Variants in MALRD1 observed in about 807,000 individuals in gnomAD.
The protein encoded by MALRD1 is MAM and LDL-receptor class A domain-containing protein 1.
A neutral mutation model predicts 242.1 loss-of-function variants in MALRD1; 247 were observed. That is an observed-to-expected ratio of 1.02 (90% CI 0.92 to 1.13). The LOEUF (loss-of-function observed/expected upper bound fraction) is 1.13, where lower values mean the gene tolerates loss of function less well. Among genes scored for constraint, MALRD1 ranks in the 50% most tolerant of loss-of-function variants. The pLI, the probability that MALRD1 is intolerant of heterozygous loss-of-function variation, is 0.00. For synonymous variants in MALRD1, 995 were observed against 866.6 expected, an observed-to-expected ratio of 1.15 and a Z score of -2.60; for missense variants, 2,989 against 2,533.1, an observed-to-expected ratio of 1.18 and a Z score of -3.86.
chr10:19,179,130 A>T (rs1363598357), intron 14 of MALRD1, among the ~76,000 whole-genome samples: 1 of 152,234 alleles, frequency 6.6e-6, no homozygotes, highest in Non-Finnish European at 1.5e-5. Context: ...TCATAGAAAA[A>T]TAAGTAACAC....
intron 19 of MALRD1, among the ~76,000 whole-genome samples, chr10:19,271,273 A>C (rs574460839): frequency 3.4e-4 from 52 of 152,356 alleles, no homozygotes; most frequent in African/African-American, 1.3e-3. Context: ...GAATTACAAT[A>C]TACACATTAA....
chr10:19,498,369 T>C, intron 30 of MALRD1, 116 bp from the exon 31 acceptor site: 1 of 865,664 alleles, frequency 1.2e-6, no homozygotes, highest in Non-Finnish European at 1.7e-6. Flanking sequence ...ATGCTGTAAG[T>C]GTATTTATAA....
At chr10:19,268,524 C>A (rs1156589709) in intron 19 of MALRD1, among the ~76,000 whole-genome samples, 5 of 152,052 alleles carry the variant, frequency 3.3e-5, no homozygotes, top group African/African-American at 1.2e-4. Flanking sequence ...GTTTAAGCTT[C>A]AAATACGCTT....
At chr10:19,124,478 A>C in intron 6 of MALRD1, 46 bp from the exon 7 acceptor site, 1 of 1,232,762 alleles carries the variant, frequency 8.1e-7, no homozygotes, top group Non-Finnish European at 1.0e-6. Context: ...TTAAGCAGCC[A>C]CTCTAGCAGA....
chr10:19,057,057 TGTTGA>T (rs1834691100), intron 1 of MALRD1, among the ~76,000 whole-genome samples: 1 of 152,210 alleles, frequency 6.6e-6, no homozygotes, highest in Admixed American at 6.5e-5. Context: ...TTCAATGTGT[TGTTGA>T]ACTCAGTTTG....
At chr10:19,315,577 ATTAT>A (rs1251503524) in intron 21 of MALRD1, among the ~76,000 whole-genome samples, 283 of 112,262 alleles carry the variant, frequency 2.5e-3, no homozygotes, top group South Asian at 4.0e-3. Context: ...AAATATATAA[ATTAT>A]AAATTATAAA....
chr10:19,502,031 G>GAA (rs1370673228), intron 31 of MALRD1, among the ~76,000 whole-genome samples: 24,824 of 132,230 alleles, frequency 0.19, 3,493 homozygotes, highest in African/African-American at 0.36. Flanking sequence ...AAAAAGAAAA[G>GAA]AAAAGAAAAG....
chr10:19,720,755 A>G (rs1834708899), intron 38 of MALRD1, among the ~76,000 whole-genome samples: 2 of 152,176 alleles, frequency 1.3e-5, no homozygotes, highest in Admixed American at 1.3e-4. Context: ...AAAGGACAAA[A>G]TATTGCCTAA....
At chr10:19,379,481 T>C (rs1845748388) in intron 26 of MALRD1, among the ~76,000 whole-genome samples, 1 of 152,202 alleles carries the variant, frequency 6.6e-6, no homozygotes, top group South Asian at 2.1e-4. Context: ...AATTTTGATA[T>C]GCTGAGTTTT....
chr10:19,432,137 T>C (rs146054207), intron 28 of MALRD1, among the ~76,000 whole-genome samples: 27 of 152,278 alleles, frequency 1.8e-4, no homozygotes, highest in African/African-American at 6.0e-4. Context: ...GAGAGTATAG[T>C]AAGGACCTGG....
intron 14 of MALRD1, among the ~76,000 whole-genome samples, chr10:19,183,241 G>T (rs1835593450): frequency 6.6e-6 from 1 of 151,346 alleles, no homozygotes; most frequent in Admixed American, 6.6e-5. Flanking sequence ...TTCTGGCAAT[G>T]AGTGGAGGTG....
At chr10:19,188,989 A>C (rs1160269395) in intron 14 of MALRD1, among the ~76,000 whole-genome samples, 1 of 152,182 alleles carries the variant, frequency 6.6e-6, no homozygotes, top group African/African-American at 2.4e-5. Context: ...TGGTTCTTCA[A>C]AAAGATTGGT....
chr10:19,340,662 A>G (rs1205695848), intron 24 of MALRD1, among the ~76,000 whole-genome samples: 3 of 152,182 alleles, frequency 2.0e-5, no homozygotes, highest in Non-Finnish European at 4.4e-5. Context: ...TTTAATAAAA[A>G]AATCAACCAA....
chr10:19,455,202 G>T (rs2131066042), intron 29 of MALRD1, among the ~76,000 whole-genome samples: 1 of 152,218 alleles, frequency 6.6e-6, no homozygotes, highest in Middle Eastern at 3.4e-3. Flanking sequence ...ATAAAATGTA[G>T]CAACCATTCC....
chr10:19,133,888 A>T lies in MALRD1; in HGVS notation c.1143A>T (p.Ser381=), dbSNP rs1168622646. Residue 381 remains serine (S), a synonymous_variant, in exon 9 of 40, where the codon TCA becomes TCT. Coordinates refer to ENST00000454679, the MANE Select transcript of MALRD1 (RefSeq NM_001142308.3). Reference sequence around the variant, plus strand: ...AAATATTTTGGACATACAACATATCAACTCACAGCCAATGGGTGAAAGCAG... The same window carrying T: ...AAATATTTTGGACATACAACATATCTACTCACAGCCAATGGGTGAAAGCAG... ...EEEIFWTYNI[S]THSQWVKADV... is the part of the protein sequence containing the mutation. 1 of 1,230,948 alleles carries T rather than the reference A, an allele frequency of 8.1e-7. No individual in the cohort carries two copies. Among genetic ancestry groups the T allele is most frequent in the Non-Finnish European group, 1.0e-6 (1 of 987,472 alleles). 76.3% of individuals were successfully genotyped at this position (1,230,948 alleles called of 1,614,324 possible). A position where few individuals can be genotyped will look rare whatever the true frequency, so the allele number is the denominator to read the frequency against.
At chr10:19,149,282 GT>G (rs921238951) in intron 11 of MALRD1, among the ~76,000 whole-genome samples, 3 of 151,916 alleles carry the variant, frequency 2.0e-5, no homozygotes, top group Non-Finnish European at 4.4e-5. Flanking sequence ...CGCCCAGCTG[GT>G]TTTTTGTTTT....
At chr10:19,087,278 T>C (rs1835700521) in intron 2 of MALRD1, among the ~76,000 whole-genome samples, 1 of 152,078 alleles carries the variant, frequency 6.6e-6, no homozygotes, top group Admixed American at 6.6e-5. Context: ...TGCAGGGATG[T>C]ACCTTTGTCT....
chr10:19,100,847 CACTT>C (rs1836225275), intron 4 of MALRD1, among the ~76,000 whole-genome samples: 1 of 151,910 alleles, frequency 6.6e-6, no homozygotes. Flanking sequence ...ATATAGTTAA[CACTT>C]ACTTCTACTT....
intron 24 of MALRD1, among the ~76,000 whole-genome samples, chr10:19,335,013 A>G (rs893847034): frequency 3.3e-5 from 5 of 152,018 alleles, no homozygotes; most frequent in Admixed American, 3.3e-4. Context: ...TTCTCTCTGT[A>G]TTAGGGAACG....
Sources: gnomAD v4.1 joint callset for allele counts (sites outside exome capture counted in the v4.1 genomes callset) on GRCh38, gnomAD v4.1.1 for gene constraint, MANE v1.5 for transcripts, NCBI Gene and HGNC (gene_info 2026-07-23, HGNC 2026-07-21) for gene names.